Variants in C19orf44 observed in about 807,000 individuals in gnomAD.
C19orf44 encodes chromosome 19 open reading frame 44.
In C19orf44, 43 loss-of-function variants were observed where a neutral mutation model predicts 50.7. That is an observed-to-expected ratio of 0.85 (90% CI 0.66 to 1.09). The LOEUF is 1.09. Ranked by LOEUF, C19orf44 falls within the 50% of genes least tolerant of loss-of-function variation. C19orf44 has a pLI of 0.00. For synonymous variants in C19orf44, 298 were observed against 334.7 expected (o/e 0.89, Z 1.20); for missense variants, 722 against 836.2 (o/e 0.86, Z 1.68).
chr19:16,519,458 G>C lies in C19orf44; in HGVS notation c.*41-636G>C. ...GCAGTGTAGACATGGGAAATGGGTA[G>C]AGAGAACCCGCAGGCCGGCCCTGTC... On this transcript the variant is annotated intron_variant, in intron 8 of 8. Coordinates refer to ENST00000221671, the MANE Select transcript of C19orf44 (RefSeq NM_032207.4). This position sits in a 1 kb window ranked among gnomAD's most constrained non-coding sequence, Gnocchi z 6.0. The C allele has an allele frequency of 7.5e-7, 1 of 1,335,648 alleles. No homozygotes were observed. The highest frequency in any genetic ancestry group is 1.3e-5 in the South Asian group (1 of 76,564). The allele number at this position is 1,335,648 out of a possible 1,614,324, so 82.7% of individuals were successfully genotyped here.
At position 16,514,598 on chromosome 19, in the gene C19orf44, G is replaced by A. The variant is rs1035087822; in HGVS notation, c.1837G>A (p.Ala613Thr). The A allele has an allele frequency of 6.9e-6, 11 of 1,605,212 alleles. No homozygotes were observed. Among genetic ancestry groups the A allele is most frequent in the African/African-American group, 5.3e-5 (4 of 74,834 alleles). ...CATCCAGGCCAGCCGGCACCTGCACGCCTCCCTCCTGCGCTCCCTGGACGC... is the reference window on the plus strand; with the variant it reads ...CATCCAGGCCAGCCGGCACCTGCACACCTCCCTCCTGCGCTCCCTGGACGC... ...QFIQASRHLH[A>T]SLLRSLDADS... is the part of the protein sequence containing the mutation. Residue 613 changes from alanine (A) to threonine (T), a missense_variant, in exon 7 of 9, where the codon GCC becomes ACC. Ala to Thr is a moderately conservative substitution (Grantham distance 58, BLOSUM62 0). Transcript: ENST00000221671.
rs2085596589 is a variant in C19orf44, at chr19:16,520,184, T to C, written c.*131T>C. ...GGCTCCTGGACCGTGACCGGCGTCT[T>C]CTTCCTGGGGAGTACGACTTGGACC... On this transcript the variant is annotated 3_prime_UTR_variant, in exon 9 of 9. Coordinates refer to ENST00000221671, the MANE Select transcript of C19orf44 (RefSeq NM_032207.4). This position sits in a 1 kb window ranked among gnomAD's most constrained non-coding sequence, Gnocchi z 4.0. 1.2e-6 allele frequency: 2 copies of C among 1,613,122 alleles called. No individual in the cohort carries two copies. Among genetic ancestry groups the C allele is most frequent in the African/African-American group, 2.7e-5 (2 of 74,928 alleles).
chr19:16,500,720 A>G (rs1317725508), intron 1 of C19orf44, 72 bp from the exon 2 acceptor site: 1 of 1,431,186 alleles, frequency 7.0e-7, no homozygotes, highest in East Asian at 2.3e-5. Context: ...AGCTTTTGCC[A>G]AGTAGGAGCC....
chr19:16,506,578 G>A, intron 3 of C19orf44, 123 bp from the exon 4 acceptor site: 1 of 634,734 alleles, frequency 1.6e-6, no homozygotes, highest in Non-Finnish European at 2.5e-6. Context: ...GGGTGACAGA[G>A]TGAGACTCTA....
Position 16,521,286 on chromosome 19 carries a change from G to A in C19orf44, c.*1233G>A, listed in dbSNP as rs1034689966. The A allele has an allele frequency of 1.1e-5, 6 of 569,454 alleles. No individual in the cohort carries two copies. Among genetic ancestry groups the A allele is most frequent in the East Asian group, 8.7e-5 (3 of 34,440 alleles). 35.3% of individuals were successfully genotyped at this position (569,454 alleles called of 1,614,324 possible). A position where few individuals can be genotyped will look rare whatever the true frequency, so the allele number is the denominator to read the frequency against. On this transcript the variant is annotated 3_prime_UTR_variant, in exon 9 of 9. Coordinates refer to ENST00000221671, the MANE Select transcript of C19orf44 (RefSeq NM_032207.4). Reference sequence around the variant, plus strand: ...CCTGTGGCAGCCGGCTGCTTGAGACGTGCCGCCGTGCCACACCTTCCCTAA... The same window carrying A: ...CCTGTGGCAGCCGGCTGCTTGAGACATGCCGCCGTGCCACACCTTCCCTAA...
At chr19:16,513,450 C>G (rs1285504177) in intron 6 of C19orf44, among the ~76,000 whole-genome samples, 3 of 152,200 alleles carry the variant, frequency 2.0e-5, no homozygotes, top group African/African-American at 7.2e-5. Flanking sequence ...GTGGCGCGAT[C>G]TCCACTCACT....
At position 16,501,376 on chromosome 19, in the gene C19orf44, C is replaced by G; in HGVS notation, c.584C>G (p.Thr195Ser). 2 of 1,613,956 alleles carry G rather than the reference C, an allele frequency of 1.2e-6. No individual in the cohort carries two copies. Among genetic ancestry groups the G allele is most frequent in the Non-Finnish European group, 1.7e-6 (2 of 1,179,986 alleles). ...SPEAPAGKERTLQTPKQKEPA... is the reference protein window; with the variant it reads ...SPEAPAGKERSLQTPKQKEPA... ...GAAGCACCTGCTGGGAAAGAGAGGA[C>G]TTTGCAAACCCCCAAACAGAAAGAA... Residue 195 changes from threonine (T) to serine (S), a missense_variant, in exon 2 of 9, where the codon ACT becomes AGT. Transcript: ENST00000221671.
At chr19:16,497,743 G>A (rs574759844) in intron 1 of C19orf44, among the ~76,000 whole-genome samples, 9 of 152,258 alleles carry the variant, frequency 5.9e-5, no homozygotes, top group African/African-American at 1.9e-4. Context: ...TACACTGTAT[G>A]GATGGACCAT....
At position 16,521,190 on chromosome 19, in the gene C19orf44, C is replaced by T. The variant is rs897575039; in HGVS notation, c.*1137C>T. On this transcript the variant is annotated 3_prime_UTR_variant, in exon 9 of 9. Coordinates refer to ENST00000221671, the MANE Select transcript of C19orf44 (RefSeq NM_032207.4). Reference sequence around the variant, plus strand: ...TGGAACTGGGAAACAGGAACACTGACTCATGGGTGGACAGGCCTGCAGCCC... The same window carrying T: ...TGGAACTGGGAAACAGGAACACTGATTCATGGGTGGACAGGCCTGCAGCCC... 1.7e-6 allele frequency: 1 copy of T among 582,194 alleles called. No homozygotes were observed. Among genetic ancestry groups the T allele is most frequent in the Non-Finnish European group, 3.1e-6 (1 of 325,670 alleles). The allele number at this position is 582,194 out of a possible 1,614,324, so 36.1% of individuals were successfully genotyped here.
At chr19:16,498,323 A>G (rs904726865) in intron 1 of C19orf44, among the ~76,000 whole-genome samples, 6 of 152,070 alleles carry the variant, frequency 3.9e-5, no homozygotes, top group African/African-American at 1.4e-4. Context: ...TTGCCCTATC[A>G]TCCGGGCTGG....
chr19:16,506,822 A>C, intron 4 of C19orf44, 48 bp downstream of exon 4: 1 of 1,410,816 alleles, frequency 7.1e-7, no homozygotes, highest in Non-Finnish European at 9.7e-7. Context: ...TTTGGCTTCA[A>C]CATTTTTTTT....
intron 5 of C19orf44, 124 bp downstream of exon 5, chr19:16,510,112 AC>A (rs1232133168): frequency 3.4e-6 from 5 of 1,481,112 alleles, no homozygotes; most frequent in Non-Finnish European, 4.6e-6. Context: ...GTTATTAATC[AC>A]CTGGAGGGGT....
At position 16,519,540 on chromosome 19, in the gene C19orf44, G is replaced by T; in HGVS notation, c.*41-554G>T. On this transcript the variant is annotated intron_variant, in intron 8 of 8. Coordinates refer to ENST00000221671, the MANE Select transcript of C19orf44 (RefSeq NM_032207.4). The surrounding 1 kb of genome is among the most constrained non-coding windows in gnomAD (Gnocchi z 6.0). ...GACTCCATCCATCCCCACATGCACT[G>T]AGGAAGAGAAAGCGCTGGTGACTCC... 1 of 1,367,714 alleles carries T rather than the reference G, an allele frequency of 7.3e-7. No homozygotes were observed. The highest frequency in any genetic ancestry group is 1.0e-6 in the Non-Finnish European group (1 of 959,422). 84.7% of individuals were successfully genotyped at this position (1,367,714 alleles called of 1,614,324 possible).
Position 16,517,403 on chromosome 19 carries a change from C to T in C19orf44, c.*40+62C>T, listed in dbSNP as rs533615471. ...CACAAACATAGAGCTCATCAGTGTC[C>T]AAGTGTGACGTTCCGTGGTGGGGGC... On this transcript the variant is annotated intron_variant, in intron 8 of 8. Transcript: ENST00000221671. The T allele has an allele frequency of 6.4e-5, 78 of 1,221,894 alleles. 1 individual carries two copies. Among genetic ancestry groups the T allele is most frequent in the Non-Finnish European group, 8.6e-5 (73 of 852,270 alleles). The allele number at this position is 1,221,894 out of a possible 1,614,324, so 75.7% of individuals were successfully genotyped here. A position where few individuals can be genotyped will look rare whatever the true frequency, so the allele number is the denominator to read the frequency against.
At chr19:16,518,999 C>G in intron 8 of C19orf44, 1 of 702,666 alleles carries the variant, frequency 1.4e-6, no homozygotes, top group Non-Finnish European at 2.3e-6. Context: ...GCACGGCGTT[C>G]CCACTGGGCA....
intron 1 of C19orf44, chr19:16,499,686 A>G (rs1427785785): frequency 6.6e-6 from 1 of 152,190 alleles, no homozygotes; most frequent in Non-Finnish European, 1.5e-5. Context: ...AATATGATGA[A>G]AGCTCTGATA....
chr19:16,508,552 ATTTTTTAT>A (rs2093447012), intron 4 of C19orf44, among the ~76,000 whole-genome samples: 1 of 151,626 alleles, frequency 6.6e-6, no homozygotes, highest in Non-Finnish European at 1.5e-5. Context: ...TGCCTGGCTA[ATTTTTTAT>A]TTTTTTGTAG....
chr19:16,517,117 C>CT, intron 7 of C19orf44, 113 bp from the exon 8 acceptor site: 2 of 970,698 alleles, frequency 2.1e-6, no homozygotes, highest in Non-Finnish European at 1.6e-6. Flanking sequence ...ACTTCTGTCA[C>CT]TGACAGGAGC....
chr19:16,514,404 T>A, intron 6 of C19orf44, 93 bp from the exon 7 acceptor site: 1 of 1,303,992 alleles, frequency 7.7e-7, no homozygotes, highest in Non-Finnish European at 1.0e-6. Context: ...AAAAAAGATT[T>A]CAGAGAGCAG....
Sources: allele counts gnomAD v4.1 joint callset (sites outside exome capture counted in the v4.1 genomes callset), GRCh38; gene constraint gnomAD v4.1.1; non-coding constraint Gnocchi (gnomAD v3.1); transcripts MANE v1.5; gene names NCBI Gene and HGNC (gene_info 2026-07-23, HGNC 2026-07-21).